Variants in TRHDE observed in about 807,000 individuals in gnomAD.
TRHDE encodes thyrotropin releasing hormone degrading enzyme.
A neutral mutation model predicts 125.7 loss-of-function variants in TRHDE; 72 were observed. The observed-to-expected ratio is 0.57, with a 90% CI of 0.47 to 0.70. TRHDE has a LOEUF of 0.70. TRHDE is among the 30% of genes least tolerant of loss of function. TRHDE has a pLI of 0.00. For missense variants in TRHDE, 1,110 were observed against 1,327.1 expected (o/e 0.84, Z 2.54); for synonymous variants, 509 against 509.1 (o/e 1.00, Z 0.00).
intron 2 of TRHDE, among the ~76,000 whole-genome samples, chr12:72,209,217 C>T (rs1877727390): frequency 6.6e-6 from 1 of 152,030 alleles, no homozygotes; most frequent in African/African-American, 2.4e-5. Context: ...TCTATTTTGC[C>T]CTCGCTCATC....
At chr12:72,586,195 GT>G (rs1196203111) in intron 12 of TRHDE, among the ~76,000 whole-genome samples, 13 of 152,250 alleles carry the variant, frequency 8.5e-5, no homozygotes, top group Admixed American at 4.6e-4. Context: ...TTTTACACTA[GT>G]CATAAATATA....
intron 12 of TRHDE, among the ~76,000 whole-genome samples, chr12:72,591,804 C>G (rs1213540045): frequency 6.6e-6 from 1 of 151,558 alleles, no homozygotes; most frequent in Non-Finnish European, 1.5e-5. Context: ...CCACTTTAAA[C>G]ATTTTTTTTC....
At chr12:72,305,925 C>T (rs937964131) in intron 2 of TRHDE, among the ~76,000 whole-genome samples, 2 of 152,196 alleles carry the variant, frequency 1.3e-5, no homozygotes, top group African/African-American at 4.8e-5. Context: ...CTACCTCTCT[C>T]TACCTTGGCC....
At chr12:72,376,736 A>G (rs1871899980) in intron 2 of TRHDE, among the ~76,000 whole-genome samples, 1 of 152,146 alleles carries the variant, frequency 6.6e-6, no homozygotes. Flanking sequence ...CATATAATCA[A>G]TTTTTATTAT....
intron 2 of TRHDE, among the ~76,000 whole-genome samples, chr12:72,139,945 A>G (rs1876076297): frequency 6.6e-6 from 1 of 152,240 alleles, no homozygotes; most frequent in African/African-American, 2.4e-5. Flanking sequence ...TTTAAGACTT[A>G]CGAAACAGAC....
intron 2 of TRHDE, among the ~76,000 whole-genome samples, chr12:72,355,254 A>G (rs751072916): frequency 6.6e-6 from 1 of 151,574 alleles, no homozygotes; most frequent in Non-Finnish European, 1.5e-5. Context: ...TTTGAAGGAT[A>G]GTAAAAGTTA....
chr12:72,099,596 A>G (rs951739629), intron 1 of TRHDE, among the ~76,000 whole-genome samples: 1 of 152,130 alleles, frequency 6.6e-6, no homozygotes, highest in African/African-American at 2.4e-5. Context: ...GCCAGCCTTC[A>G]TATCTCTCTT....
At chr12:72,226,868 G>C (rs988160257) in intron 2 of TRHDE, among the ~76,000 whole-genome samples, 1 of 152,156 alleles carries the variant, frequency 6.6e-6, no homozygotes, top group Non-Finnish European at 1.5e-5. Flanking sequence ...GAAAAGATAA[G>C]AATGGTACCT....
At chr12:72,462,443 C>A (rs960468728) in intron 3 of TRHDE, among the ~76,000 whole-genome samples, 1 of 152,152 alleles carries the variant, frequency 6.6e-6, no homozygotes, top group Non-Finnish European at 1.5e-5. Flanking sequence ...GCTGTTGAAC[C>A]TAAGGCCCTT....
At chr12:72,271,786 C>T, upstream of TRHDE, 1 of 403,700 alleles carries the variant, frequency 2.5e-6, no homozygotes, top group Non-Finnish European at 5.0e-6. Flanking sequence ...TCGGCTCTCC[C>T]CCTTGGGATA....
chr12:72,582,549 TA>T (rs1871284312), intron 12 of TRHDE: 1 of 985,428 alleles, frequency 1.0e-6, no homozygotes, highest in African/African-American at 1.7e-5. Context: ...TTTTTTCACT[TA>T]TTGCAGTAAA....
At chr12:72,232,712 T>C (rs1261063341) in intron 2 of TRHDE, among the ~76,000 whole-genome samples, 2 of 152,172 alleles carry the variant, frequency 1.3e-5, no homozygotes, top group Non-Finnish European at 2.9e-5. Flanking sequence ...CATTTTCCGC[T>C]ACCTAAACTA....
chr12:72,166,246 G>T (rs1876744417), intron 2 of TRHDE, among the ~76,000 whole-genome samples: 1 of 152,118 alleles, frequency 6.6e-6, no homozygotes, highest in Non-Finnish European at 1.5e-5. Context: ...TGCCATATAT[G>T]TGGTTCATTT....
chr12:72,326,590 A>C (rs892375558), intron 2 of TRHDE, among the ~76,000 whole-genome samples: 1 of 152,186 alleles, frequency 6.6e-6, no homozygotes, highest in African/African-American at 2.4e-5. Flanking sequence ...GTTTGGATTA[A>C]ATAAAACTTT....
chr12:72,127,961 G>A (rs1383839581), intron 2 of TRHDE, among the ~76,000 whole-genome samples: 1 of 152,050 alleles, frequency 6.6e-6, no homozygotes, highest in Non-Finnish European at 1.5e-5. Flanking sequence ...CTGAGAATCT[G>A]GGGGGACTAA....
chr12:72,645,292 A>G (rs912059989), intron 15 of TRHDE, among the ~76,000 whole-genome samples: 19 of 152,222 alleles, frequency 1.2e-4, no homozygotes, highest in African/African-American at 4.3e-4. Flanking sequence ...TAAACAGGTG[A>G]TGAAGCTGAA....
chr12:72,354,989 G>A (rs373364802), intron 2 of TRHDE, among the ~76,000 whole-genome samples: 1 of 151,338 alleles, frequency 6.6e-6, no homozygotes, highest in African/African-American at 2.4e-5. Context: ...TTACTAAATG[G>A]TTATTCATTC....
upstream of TRHDE, among the ~76,000 whole-genome samples, chr12:72,271,560 T>C (rs982470088): frequency 6.6e-6 from 1 of 151,984 alleles, no homozygotes; most frequent in African/African-American, 2.4e-5. Flanking sequence ...GGAGAAAAGC[T>C]CTCTAATCTC....
intron 1 of TRHDE, among the ~76,000 whole-genome samples, chr12:72,103,220 AAAG>A (rs1398612310): frequency 1.3e-5 from 2 of 152,238 alleles, no homozygotes; most frequent in Non-Finnish European, 2.9e-5. Flanking sequence ...TTTGAAAAGT[AAAG>A]AAGGAGATTA....
Sources: gnomAD v4.1 joint callset for allele counts (sites outside exome capture counted in the v4.1 genomes callset) on GRCh38, gnomAD v4.1.1 for gene constraint, MANE v1.5 for transcripts, NCBI Gene and HGNC (gene_info 2026-07-23, HGNC 2026-07-21) for gene names.